The following NEBL variants were observed in gnomAD, a reference collection of about 807,000 sequenced individuals.
The protein encoded by NEBL is nebulette.
A neutral mutation model predicts 140.2 loss-of-function variants in NEBL; 122 were observed. The observed-to-expected ratio is 0.87, with a 90% CI of 0.75 to 1.01. The LOEUF (loss-of-function observed/expected upper bound fraction) is 1.01. Ranked by LOEUF, NEBL falls within the 50% of genes least tolerant of loss-of-function variation. The pLI, the probability that NEBL is intolerant of heterozygous loss-of-function variation, is 0.00. For missense variants in NEBL, 1,365 were observed against 1,231.3 expected (o/e 1.11, Z -1.62); for synonymous variants, 436 against 398.9 (o/e 1.09, Z -1.11).
rs571030146 is a variant in NEBL at position 20,828,582 on chromosome 10, G to C, written c.1724C>G (p.Ala575Gly). ...AATTCTCTGAATTTCAGGAGTATCT[G>C]CTATGGTAGAATAGTTAGAAAGCAT... Reference protein sequence around the residue: ...EKMLSNYSTIADTPEIQRIKT... With the variant: ...EKMLSNYSTIGDTPEIQRIKT... Residue 575 changes from alanine (A) to glycine (G), a missense_variant, in exon 17 of 28, where the codon GCA becomes GGA. By Grantham distance (60) the Ala-to-Gly change is moderately conservative (BLOSUM62 0). This residue lies in a region of NEBL where 1,323 missense variants were observed against 1,154.8 expected (regional missense o/e 1.15). Coordinates refer to ENST00000377122, the MANE Select transcript of NEBL (RefSeq NM_006393.3). 3 of 1,596,882 alleles carry C rather than the reference G, an allele frequency of 1.9e-6. No homozygotes were observed. The South Asian group carries it at 3.3e-5, about 18-fold the overall frequency.
intron 3 of NEBL, among the ~76,000 whole-genome samples, chr10:21,016,706 T>C (rs1838570497): frequency 6.6e-6 from 1 of 152,156 alleles, no homozygotes; most frequent in East Asian, 1.9e-4. Flanking sequence ...AAAATATTAA[T>C]AGTCAATTTT....
intron 3 of NEBL, among the ~76,000 whole-genome samples, chr10:20,992,939 G>A (rs551845881): frequency 1.3e-4 from 20 of 151,266 alleles, no homozygotes; most frequent in African/African-American, 2.9e-4. Flanking sequence ...CACCACACCC[G>A]GCTAATTTTG....
intron 4 of NEBL, among the ~76,000 whole-genome samples, chr10:20,884,775 G>T (rs563442133): frequency 2.2e-4 from 33 of 152,220 alleles, no homozygotes; most frequent in Non-Finnish European, 4.4e-4. Flanking sequence ...AGCGTGAATT[G>T]CTTCTATGAT....
At chr10:21,009,005 G>C (rs981728593) in intron 3 of NEBL, among the ~76,000 whole-genome samples, 1 of 151,654 alleles carries the variant, frequency 6.6e-6, no homozygotes, top group Non-Finnish European at 1.5e-5. Flanking sequence ...TTCCTATGAA[G>C]AATAAAATAT....
At chr10:20,817,765 C>T in intron 20 of NEBL, 73 bp from the exon 21 acceptor site, 1 of 1,180,008 alleles carries the variant, frequency 8.5e-7, no homozygotes, top group Non-Finnish European at 1.3e-6. Context: ...GGACAAGGCT[C>T]AAAATTAGCA....
chr10:21,026,319 C>A (rs1392554146), intron 2 of NEBL, among the ~76,000 whole-genome samples: 1 of 84,322 alleles, frequency 1.2e-5, no homozygotes, highest in Non-Finnish European at 2.8e-5. Context: ...GGCTATCCTA[C>A]AGTACACTGT....
At chr10:20,867,273 A>T (rs73607536) in intron 7 of NEBL, among the ~76,000 whole-genome samples, 2,542 of 152,224 alleles carry the variant, frequency 0.017, 68 homozygotes, top group African/African-American at 0.057. Context: ...GATGTTTAGT[A>T]TCAAGGCTCT....
At chr10:21,069,382 A>T (rs1012341766) in intron 2 of NEBL, among the ~76,000 whole-genome samples, 1 of 152,156 alleles carries the variant, frequency 6.6e-6, no homozygotes. Context: ...TGTCACATAA[A>T]CCACAGCCAG....
chr10:21,288,217 C>T (rs1336117441), intron 1 of NEBL, among the ~76,000 whole-genome samples: 1 of 152,230 alleles, frequency 6.6e-6, no homozygotes, highest in Non-Finnish European at 1.5e-5. Flanking sequence ...CACCTGTAAT[C>T]CCAGCACTTT....
At chr10:20,912,078 A>C (rs1848353035) in intron 4 of NEBL, among the ~76,000 whole-genome samples, 1 of 152,208 alleles carries the variant, frequency 6.6e-6, no homozygotes, top group Non-Finnish European at 1.5e-5. Context: ...AACTTTTCTT[A>C]TTCTTCACAC....
chr10:20,979,673 C>T (rs529076094), intron 3 of NEBL, among the ~76,000 whole-genome samples: 26 of 152,190 alleles, frequency 1.7e-4, no homozygotes, highest in South Asian at 8.3e-4. Context: ...ATGTTTTAAG[C>T]AAACATAATA....
intron 2 of NEBL, chr10:21,172,267 C>G (rs566697312): frequency 3.2e-5 from 25 of 792,084 alleles, no homozygotes; most frequent in African/African-American, 5.1e-5. Flanking sequence ...AAACAGGTAA[C>G]TGGCCCCTGC....
chr10:20,793,845 T>C (rs1050279568), intron 26 of NEBL, among the ~76,000 whole-genome samples: 7 of 152,190 alleles, frequency 4.6e-5, no homozygotes, highest in Admixed American at 2.0e-4. Flanking sequence ...AGTGAGCCAC[T>C]GTGTCTGGCT....
At chr10:20,875,718 T>TAGCCAGCC (rs575325601) in intron 5 of NEBL, among the ~76,000 whole-genome samples, 6 of 151,728 alleles carry the variant, frequency 4.0e-5, no homozygotes, top group South Asian at 4.2e-4. Context: ...GCAGGAGTGA[T>TAGCCAGCC]AGCCAGCCAG....
chr10:20,896,872 GT>G (rs1215782382), intron 2 of NEBL, 85 bp downstream of exon 2: 50 of 1,141,868 alleles, frequency 4.4e-5, no homozygotes, highest in Non-Finnish European at 6.4e-5. Flanking sequence ...TGATTTCAGG[GT>G]TTCCCCCACA....
upstream of NEBL, among the ~76,000 whole-genome samples, chr10:20,898,546 G>C (rs1847682292): frequency 6.6e-6 from 1 of 151,986 alleles, no homozygotes; most frequent in South Asian, 2.1e-4. Context: ...TGTTCCATGA[G>C]GCAAAAGTTC....
At chr10:21,193,012 T>A (rs538561984) in intron 3 of NEBL, among the ~76,000 whole-genome samples, 10 of 152,140 alleles carry the variant, frequency 6.6e-5, no homozygotes, top group Admixed American at 1.3e-4. Flanking sequence ...ACTGACTCGA[T>A]GTTGAATGTT....
At chr10:20,881,472 T>A (rs1448540789) in intron 4 of NEBL, among the ~76,000 whole-genome samples, 1 of 152,160 alleles carries the variant, frequency 6.6e-6, no homozygotes, top group Non-Finnish European at 1.5e-5. Context: ...ATTTCCTCCA[T>A]ACTAGGATGG....
rs986015688 is a variant in NEBL at position 21,269,857 on chromosome 10, A to G, written n.183-18029T>C. 5.3e-5 allele frequency among the ~76,000 whole-genome samples: 8 copies of G among 152,302 alleles called. No homozygotes were observed. The South Asian group carries it at 1.4e-3, about 28-fold the overall frequency. On this transcript the variant is annotated intron_variant and non_coding_transcript_variant, in intron 1 of 8. Transcript: ENST00000675702. ...CACAGCTCTCTGCCACCTTCTATTA[A>G]TCTCATTGTCACTTGACTTAGAGCA...
Sources: gnomAD v4.1 joint callset for allele counts (sites outside exome capture counted in the v4.1 genomes callset) on GRCh38, gnomAD v4.1.1 for gene constraint, gnomAD v4.1.1 regional missense constraint, MANE v1.5 for transcripts, NCBI Gene and HGNC (gene_info 2026-07-23, HGNC 2026-07-21) for gene names.